The following DPH5 variants were observed in gnomAD, a reference collection of about 807,000 sequenced individuals.
DPH5 encodes the protein diphthine methyl ester synthase.
A neutral mutation model predicts 31.6 loss-of-function variants in DPH5; 31 were observed. The observed-to-expected ratio is 0.98, with a 90% CI of 0.74 to 1.32. The LOEUF (loss-of-function observed/expected upper bound fraction) is 1.32. Ranked by LOEUF, DPH5 falls within the 40% of genes most tolerant of loss-of-function variation. The pLI, the probability that DPH5 is intolerant of heterozygous loss-of-function variation, is 0.00. For missense variants in DPH5, 309 were observed against 335.7 expected (o/e 0.92, Z 0.62); for synonymous variants, 120 against 115.0 (o/e 1.04, Z -0.28).
At chr1:101,011,423 G>A (rs1297883851) in intron 4 of DPH5, among the ~76,000 whole-genome samples, 1 of 152,160 alleles carries the variant, frequency 6.6e-6, no homozygotes, top group Non-Finnish European at 1.5e-5. Context: ...GGGGAAAATG[G>A]TGTGTGGCTG....
At chr1:100,995,796 T>G (rs1249639189) in intron 5 of DPH5, 1 of 152,190 alleles carries the variant, frequency 6.6e-6, no homozygotes, top group Non-Finnish European at 1.5e-5. Context: ...AACTGAACTA[T>G]TTGGTAAAAG....
chr1:100,995,220 G>T, intron 5 of DPH5, 71 bp from the exon 6 acceptor site: 2 of 1,045,016 alleles, frequency 1.9e-6, no homozygotes, highest in Non-Finnish European at 2.9e-6. Flanking sequence ...GTAAACCTCA[G>T]TTAAGAGTCA....
chr1:101,015,588 C>CTT (rs942227704), intron 3 of DPH5, among the ~76,000 whole-genome samples: 5 of 152,176 alleles, frequency 3.3e-5, no homozygotes, highest in Admixed American at 3.3e-4. Flanking sequence ...AATCTAGAGT[C>CTT]ACCAGCTGCA....
At chr1:100,992,590 G>T in intron 7 of DPH5, 47 bp downstream of exon 7, 1 of 1,355,322 alleles carries the variant, frequency 7.4e-7, no homozygotes, top group Non-Finnish European at 1.1e-6. Flanking sequence ...ACATCTAAAT[G>T]TAGTAACAGA....
At chr1:101,017,889 TTAACA>T (rs2101279815) in intron 3 of DPH5, among the ~76,000 whole-genome samples, 1 of 152,354 alleles carries the variant, frequency 6.6e-6, no homozygotes, top group African/African-American at 2.4e-5. Flanking sequence ...ATCTCACTAC[TTAACA>T]TTAAGAGTAA....
chr1:100,999,751 A>G (rs1658699596), intron 5 of DPH5, among the ~76,000 whole-genome samples: 1 of 151,972 alleles, frequency 6.6e-6, no homozygotes, highest in African/African-American at 2.4e-5. Context: ...AGGCAGGAGA[A>G]TCGCTTGAAC....
At chr1:101,018,880 T>C (rs1333764119) in intron 3 of DPH5, among the ~76,000 whole-genome samples, 9 of 152,070 alleles carry the variant, frequency 5.9e-5, no homozygotes, top group Admixed American at 4.6e-4. Context: ...TGAAGAAAAA[T>C]AGACTAATAA....
intron 5 of DPH5, chr1:100,996,408 T>A (rs971617425): frequency 1.9e-4 from 29 of 152,216 alleles, no homozygotes; most frequent in African/African-American, 7.0e-4. Context: ...TAGACGCAAA[T>A]CCTTTTTAAT....
chr1:100,998,730 TC>T (rs568970697), intron 5 of DPH5, among the ~76,000 whole-genome samples: 97 of 152,312 alleles, frequency 6.4e-4, no homozygotes, highest in Non-Finnish European at 1.0e-3. Flanking sequence ...AAGTCTCTGC[TC>T]TTATGAAGCA....
chr1:101,006,324 T>C (rs1659228830), intron 4 of DPH5, among the ~76,000 whole-genome samples: 1 of 152,002 alleles, frequency 6.6e-6, no homozygotes, highest in African/African-American at 2.4e-5. Context: ...AATGGCACAA[T>C]TATATTTACG....
intron 6 of DPH5, among the ~76,000 whole-genome samples, chr1:100,993,843 G>C (rs924099287): frequency 6.6e-6 from 1 of 151,530 alleles, no homozygotes; most frequent in Admixed American, 6.6e-5. Context: ...CTGGGTTCAA[G>C]CAATTCTCTG....
chr1:101,025,595 A>G, intron 1 of DPH5, 88 bp downstream of exon 1: 1 of 892,304 alleles, frequency 1.1e-6, no homozygotes, highest in Non-Finnish European at 1.7e-6. Context: ...TGGGAACCTT[A>G]TGTCACGCTT....
At chr1:101,013,098 A>G (rs1248959443) in intron 4 of DPH5, among the ~76,000 whole-genome samples, 1 of 152,198 alleles carries the variant, frequency 6.6e-6, no homozygotes, top group African/African-American at 2.4e-5. Context: ...GTTGTCATGG[A>G]TTATCCATGT....
intron 6 of DPH5, among the ~76,000 whole-genome samples, chr1:100,993,716 T>C (rs942778113): frequency 3.3e-5 from 5 of 150,782 alleles, no homozygotes; most frequent in African/African-American, 9.8e-5. Context: ...AGTTTTCTAG[T>C]AGCCATATTA....
intron 5 of DPH5, among the ~76,000 whole-genome samples, chr1:100,997,086 T>C (rs906898546): frequency 6.6e-6 from 1 of 152,224 alleles, no homozygotes. Context: ...GGGCAGCTCT[T>C]AGAAGGACAA....
intron 6 of DPH5, among the ~76,000 whole-genome samples, chr1:100,993,231 C>T (rs1176374747): frequency 6.6e-6 from 1 of 152,046 alleles, no homozygotes; most frequent in Non-Finnish European, 1.5e-5. Flanking sequence ...GCCTATCAGG[C>T]TTGCCGAACT....
At chr1:101,001,390 G>C in intron 5 of DPH5, 77 bp downstream of exon 5, 1 of 1,455,716 alleles carries the variant, frequency 6.9e-7, no homozygotes, top group Non-Finnish European at 9.4e-7. Context: ...ATTATCCACA[G>C]ACCTTAACAC....
intron 3 of DPH5, among the ~76,000 whole-genome samples, chr1:101,020,027 T>A (rs1195210072): frequency 6.6e-6 from 1 of 152,212 alleles, no homozygotes; most frequent in Non-Finnish European, 1.5e-5. Context: ...GGTTTTAGCA[T>A]AGCGGTTAAA....
chr1:101,014,564 G>A (rs1659933224), intron 3 of DPH5, among the ~76,000 whole-genome samples: 1 of 152,198 alleles, frequency 6.6e-6, no homozygotes, highest in Non-Finnish European at 1.5e-5. Context: ...GCTCCATGTT[G>A]ATGGCTGCTA....
Sources: allele counts gnomAD v4.1 joint callset (sites outside exome capture counted in the v4.1 genomes callset), GRCh38; gene constraint gnomAD v4.1.1; transcripts MANE v1.5; gene names NCBI Gene and HGNC (gene_info 2026-07-23, HGNC 2026-07-21).